Variants in DSE observed in about 807,000 individuals in gnomAD.
DSE encodes the protein dermatan sulfate epimerase, also known as dermatan-sulfate epimerase.
In DSE, 36 loss-of-function variants were observed where a neutral mutation model predicts 84.4. The observed-to-expected ratio is 0.43, with a 90% CI of 0.33 to 0.56. The LOEUF (loss-of-function observed/expected upper bound fraction) is 0.56. Ranked by LOEUF, DSE falls within the 20% of genes least tolerant of loss-of-function variation. DSE has a pLI of 0.06. For synonymous variants in DSE, 410 were observed against 430.1 expected (o/e 0.95, Z 0.58); for missense variants, 862 against 1,169.6 (o/e 0.74, Z 3.84).
In DSE at chr6:116,444,447, A is replaced by AATTG. The variant is rs1378523622; in HGVS notation, c.*7104_*7107dup. On this transcript the variant is annotated 3_prime_UTR_variant, in exon 6 of 6. Coordinates refer to ENST00000644252, the MANE Select transcript of DSE (RefSeq NM_013352.4). ...TTTGGTATTCAAAAAATGCTTGATGAATTGACTGACTGCCTGAATGAATAA... is the reference window on the plus strand; with the variant it reads ...TTTGGTATTCAAAAAATGCTTGATGAATTGATTGACTGACTGCCTGAATGAATAA... 1 of 64,736 alleles carries AATTG rather than the reference A, an allele frequency of 1.5e-5. No individual in the cohort carries two copies. The highest frequency in any genetic ancestry group is 7.2e-5 in the African/African-American group (1 of 13,866). The allele number at this position is 64,736 out of a possible 1,614,324, so 4.0% of individuals were successfully genotyped here. A position where few individuals can be genotyped will look rare whatever the true frequency, so the allele number is the denominator to read the frequency against.
chr6:116,311,924 A>C (rs1179929046), intron 2 of DSE, among the ~76,000 whole-genome samples: 1 of 152,226 alleles, frequency 6.6e-6, no homozygotes, highest in Non-Finnish European at 1.5e-5. Flanking sequence ...TTGCCGCTGC[A>C]TTCCCAGGGC....
At chr6:116,299,478 A>T (rs1482301101) in intron 2 of DSE, among the ~76,000 whole-genome samples, 1 of 146,090 alleles carries the variant, frequency 6.8e-6, no homozygotes, top group African/African-American at 2.5e-5. Context: ...ATAAATTCTC[A>T]TCCTGAAAGG....
At chr6:116,397,944 A>G (rs1473749652) in intron 1 of DSE, among the ~76,000 whole-genome samples, 2 of 152,152 alleles carry the variant, frequency 1.3e-5, no homozygotes, top group Non-Finnish European at 2.9e-5. Flanking sequence ...GCAAGTTGAA[A>G]ATGTGGATTG....
At chr6:116,417,655 G>A (rs1037227479) in intron 2 of DSE, among the ~76,000 whole-genome samples, 4 of 152,092 alleles carry the variant, frequency 2.6e-5, no homozygotes, top group Non-Finnish European at 5.9e-5. Context: ...AATATAGATT[G>A]TAAGAGGAAA....
chr6:116,279,190 G>GCCT (rs1344528416), intron 2 of DSE: 1 of 1,611,074 alleles, frequency 6.2e-7, no homozygotes, highest in South Asian at 1.1e-5. Flanking sequence ...TTCCTCCCTC[G>GCCT]CCTCCTCCTC....
At chr6:116,297,254 T>C (rs1475254558) in intron 2 of DSE, among the ~76,000 whole-genome samples, 1 of 151,882 alleles carries the variant, frequency 6.6e-6, no homozygotes, top group Non-Finnish European at 1.5e-5. Flanking sequence ...CAGATGGGAG[T>C]TGGAGGAGGA....
intron 4 of DSE, among the ~76,000 whole-genome samples, chr6:116,431,934 A>G (rs1392944673): frequency 6.6e-6 from 1 of 152,158 alleles, no homozygotes; most frequent in African/African-American, 2.4e-5. Context: ...AGGAAATGCA[A>G]TTTTTAGATG....
rs578137459 is a variant in DSE, at chr6:116,279,591, A to G, written c.-54+20624A>G. ...GACCCCCAACAACTCGGATCTGGGG[A>G]GTACCGCCACGGCCCGCGGCATCCT... On this transcript the variant is annotated intron_variant, in intron 2 of 3. Transcript: ENST00000430252. 72 of 1,602,132 alleles carry G rather than the reference A, an allele frequency of 4.5e-5. No homozygotes were observed. The African/African-American group carries it at 9.3e-4, about 21-fold the overall frequency.
rs751454432 is a variant in DSE, at chr6:116,399,061, AT to A, written c.-53-130del. ...CTTTAGTAATTTTCTTCCTAATTAA[AT>A]TTTTTTGTTGTATTTTTAAAAATCT... On this transcript the variant is annotated intron_variant, in intron 1 of 5. Coordinates refer to ENST00000644252, the MANE Select transcript of DSE (RefSeq NM_013352.4). 117 of 708,456 alleles carry A rather than the reference AT, an allele frequency of 1.7e-4. 1 individual carries two copies. The East Asian group carries it at 1.8e-3, about 11-fold the overall frequency. 43.9% of individuals were successfully genotyped at this position (708,456 alleles called of 1,614,324 possible).
chr6:116,378,903 A>G (rs1264342671), intron 1 of DSE, among the ~76,000 whole-genome samples: 1 of 152,124 alleles, frequency 6.6e-6, no homozygotes, highest in Admixed American at 6.5e-5. Context: ...TGTAGGGGGC[A>G]TTCATCAGTC....
intron 1 of DSE, among the ~76,000 whole-genome samples, chr6:116,374,559 A>G (rs933151043): frequency 3.9e-5 from 6 of 152,324 alleles, no homozygotes; most frequent in East Asian, 3.9e-4. Context: ...TATTGTTTAT[A>G]ACAGAATACT....
At chr6:116,300,391 G>A (rs1774959825) in intron 2 of DSE, among the ~76,000 whole-genome samples, 1 of 152,098 alleles carries the variant, frequency 6.6e-6, no homozygotes, top group South Asian at 2.1e-4. Flanking sequence ...AAGAAGAAAA[G>A]CCTCGCTTCA....
intron 1 of DSE, among the ~76,000 whole-genome samples, chr6:116,395,775 C>T (rs1315500027): frequency 3.3e-5 from 5 of 152,024 alleles, no homozygotes; most frequent in African/African-American, 1.2e-4. Flanking sequence ...TCTCTTTGTA[C>T]AATGAGCACA....
chr6:116,385,549 C>T (rs1437247344), intron 1 of DSE, among the ~76,000 whole-genome samples: 1 of 151,912 alleles, frequency 6.6e-6, no homozygotes, highest in African/African-American at 2.4e-5. Flanking sequence ...GGGGTTGAGT[C>T]CAATTACTGG....
chr6:116,301,353 C>T (rs74740393), intron 2 of DSE, among the ~76,000 whole-genome samples: 5,400 of 152,282 alleles, frequency 0.035, 122 homozygotes, highest in Non-Finnish European at 0.056. Flanking sequence ...CTTGGCCTTA[C>T]CCATGTGCAA....
upstream of DSE, among the ~76,000 whole-genome samples, chr6:116,369,637 TC>T (rs1181417855): frequency 2.6e-5 from 4 of 152,232 alleles, no homozygotes; most frequent in Non-Finnish European, 5.9e-5. Context: ...TCTTCTCTCC[TC>T]GACAGGCCTT....
intron 2 of DSE, among the ~76,000 whole-genome samples, chr6:116,333,303 A>AG (rs1777060711): frequency 6.6e-6 from 1 of 152,134 alleles, no homozygotes; most frequent in Admixed American, 6.6e-5. Context: ...TCCAAGGTTG[A>AG]GGGACCATAT....
intron 2 of DSE, among the ~76,000 whole-genome samples, chr6:116,321,337 AT>A (rs66863151): frequency 0.28 from 32,020 of 115,262 alleles, 4,586 homozygotes; most frequent in Non-Finnish European, 0.38. Flanking sequence ...CTAATTTTTC[AT>A]TTTTTTTTTT....
rs963742388 is a variant in DSE, at chr6:116,329,382, A to G, written c.-53-69816A>G. Reference sequence around the variant, plus strand: ...AATTCACAATCATTACAAGCTTTGGAGAATTTTACCAAATATGATAGAAAT... The same window carrying G: ...AATTCACAATCATTACAAGCTTTGGGGAATTTTACCAAATATGATAGAAAT... On this transcript the variant is annotated intron_variant, in intron 2 of 3. Transcript: ENST00000430252. Among the ~76,000 whole-genome samples, 5 of 152,250 alleles carry G rather than the reference A, an allele frequency of 3.3e-5. No homozygotes were observed. In the South Asian group the frequency reaches 8.3e-4, roughly 25 times the overall value.
Sources: allele counts gnomAD v4.1 joint callset (sites outside exome capture counted in the v4.1 genomes callset), GRCh38; gene constraint gnomAD v4.1.1; transcripts MANE v1.5; gene names NCBI Gene and HGNC (gene_info 2026-07-23, HGNC 2026-07-21).